The following SGCD variants were observed in gnomAD, a reference collection of about 807,000 sequenced individuals.
SGCD encodes sarcoglycan delta.
In SGCD, 18 loss-of-function variants were observed where a neutral mutation model predicts 36.6. The ratio of observed to expected loss-of-function variants is 0.49; its 90% confidence interval spans 0.34 to 0.73. The LOEUF is 0.73. Among genes scored for constraint, SGCD ranks in the 30% least tolerant of loss-of-function variants. The pLI is 0.01. For synonymous variants in SGCD, 133 were observed against 130.6 expected, an observed-to-expected ratio of 1.02 and a Z score of -0.12; for missense variants, 387 against 346.7, an observed-to-expected ratio of 1.12 and a Z score of -0.92.
chr5:156,608,535 A>T (rs1271218003), intron 6 of SGCD, among the ~76,000 whole-genome samples: 1 of 152,154 alleles, frequency 6.6e-6, no homozygotes, highest in African/African-American at 2.4e-5. Flanking sequence ...TTTGGGGTGG[A>T]GAGTTCTGTA....
At position 156,224,265 on chromosome 5, in the gene SGCD, A is replaced by T. The variant is rs373636497; in HGVS notation, c.-44+100246A>T. 4.6e-5 allele frequency among the ~76,000 whole-genome samples: 7 copies of T among 152,148 alleles called. No individual in the cohort carries two copies. In the South Asian group the frequency reaches 1.4e-3, roughly 32 times the overall value. On this transcript the variant is annotated intron_variant, in intron 3 of 9. Coordinates refer to the SGCD transcript ENST00000517913. ...TCCTATTCTCTCAGACCCAGAGCCC[A>T]TTCTCTTAAGAATTTGGCAGCCTAC...
At chr5:156,554,589 GTA>G (rs528104785) in intron 4 of SGCD, among the ~76,000 whole-genome samples, 71 of 148,776 alleles carry the variant, frequency 4.8e-4, no homozygotes, top group African/African-American at 1.6e-3. Context: ...ATGCATATGT[GTA>G]TATATATATG....
chr5:155,903,976 C>G lies in SGCD; in HGVS notation c.-282+33552C>G, dbSNP rs80044432. Reference sequence around the variant, plus strand: ...GTCTTTTACAGCTGACTTCTGCTAGCCTGTACTCACCAACTATCAGAGAGG... The same window carrying G: ...GTCTTTTACAGCTGACTTCTGCTAGGCTGTACTCACCAACTATCAGAGAGG... On this transcript the variant is annotated intron_variant, in intron 1 of 9. Transcript: ENST00000517913. 2.7e-3 allele frequency among the ~76,000 whole-genome samples: 404 copies of G among 152,268 alleles called. 3 individuals are homozygous for G. The highest frequency in any genetic ancestry group is 8.2e-3 in the African/African-American group (339 of 41,568).
intron 1 of SGCD, among the ~76,000 whole-genome samples, chr5:156,078,821 G>T (rs899625715): frequency 6.7e-6 from 1 of 150,170 alleles, no homozygotes; most frequent in Non-Finnish European, 1.5e-5. Context: ...ATTTTATTCA[G>T]GTTTTTGCAG....
chr5:155,733,430 TC>T, the SGCD span, among the ~76,000 whole-genome samples: 1 of 152,202 alleles, frequency 6.6e-6, no homozygotes, highest in Non-Finnish European at 1.5e-5. Context: ...TTGTCATCTT[TC>T]CCTTTTCAGA....
At chr5:156,631,748 T>C (rs745960795) in intron 6 of SGCD, among the ~76,000 whole-genome samples, 15 of 152,118 alleles carry the variant, frequency 9.9e-5, no homozygotes, top group South Asian at 2.1e-4. Flanking sequence ...GACTAGCTTC[T>C]GCTATCCTGT....
At chr5:156,395,900 A>G (rs1771823059) in intron 3 of SGCD, among the ~76,000 whole-genome samples, 1 of 152,204 alleles carries the variant, frequency 6.6e-6, no homozygotes, top group Admixed American at 6.5e-5. Context: ...TCAAAACTTG[A>G]CACAAGGAGT....
chr5:156,014,248 T>C (rs1020339090), intron 1 of SGCD, among the ~76,000 whole-genome samples: 1 of 152,122 alleles, frequency 6.6e-6, no homozygotes, highest in African/African-American at 2.4e-5. Context: ...TCAGTTTCCT[T>C]GGCAATCACT....
At chr5:155,864,814 C>T in the SGCD span, among the ~76,000 whole-genome samples, 2 of 152,132 alleles carry the variant, frequency 1.3e-5, no homozygotes, top group African/African-American at 4.8e-5. Context: ...ATTTTCGGTA[C>T]AGATTATGCT....
At chr5:156,704,336 C>G (rs957391171) in intron 7 of SGCD, 1 of 152,136 alleles carries the variant, frequency 6.6e-6, no homozygotes, top group African/African-American at 2.4e-5. Context: ...AAGTCCCAGT[C>G]ACGTGACTTG....
chr5:156,051,260 T>C (rs1002023831), intron 1 of SGCD, among the ~76,000 whole-genome samples: 1 of 146,344 alleles, frequency 6.8e-6, no homozygotes, highest in Non-Finnish European at 1.5e-5. Flanking sequence ...TTTATCACTC[T>C]AGAAAATTTC....
chr5:156,430,470 G>A (rs1773888269), intron 3 of SGCD, among the ~76,000 whole-genome samples: 1 of 151,656 alleles, frequency 6.6e-6, no homozygotes. Context: ...AATAACCTTT[G>A]GAATTCTTTA....
chr5:156,049,252 G>A (rs1244417208), intron 1 of SGCD, among the ~76,000 whole-genome samples: 7 of 146,234 alleles, frequency 4.8e-5, no homozygotes, highest in South Asian at 2.2e-4. Context: ...TTGAAGTCAG[G>A]TAGTGTGATG....
chr5:156,186,158 C>T (rs192733697), intron 3 of SGCD, among the ~76,000 whole-genome samples: 8 of 151,888 alleles, frequency 5.3e-5, no homozygotes, highest in African/African-American at 1.9e-4. Flanking sequence ...TTGAACCCCT[C>T]TTATACCAGG....
chr5:155,841,999 G>T, the SGCD span, among the ~76,000 whole-genome samples: 1 of 152,096 alleles, frequency 6.6e-6, no homozygotes, highest in East Asian at 1.9e-4. Flanking sequence ...CCTAGAGAAA[G>T]GCCACCTTAA....
At chr5:156,585,002 G>A (rs184066509) in intron 4 of SGCD, among the ~76,000 whole-genome samples, 4 of 152,328 alleles carry the variant, frequency 2.6e-5, no homozygotes, top group South Asian at 2.1e-4. Flanking sequence ...TCCCCTTGCA[G>A]TGGTGACAGA....
intron 3 of SGCD, among the ~76,000 whole-genome samples, chr5:156,411,447 C>G (rs553897067): frequency 1.3e-5 from 2 of 152,256 alleles, no homozygotes; most frequent in South Asian, 4.1e-4. Flanking sequence ...TATTATCCCC[C>G]AAAGCACTGA....
At chr5:156,278,343 T>A (rs905630657) in intron 3 of SGCD, among the ~76,000 whole-genome samples, 2 of 152,166 alleles carry the variant, frequency 1.3e-5, no homozygotes, top group African/African-American at 4.8e-5. Flanking sequence ...ATTAGGTATT[T>A]TTCAATGTTA....
chr5:155,902,566 C>T (rs940479602), intron 1 of SGCD, among the ~76,000 whole-genome samples: 9 of 152,236 alleles, frequency 5.9e-5, no homozygotes, highest in Admixed American at 5.2e-4. Context: ...TGTAGATATG[C>T]AAACCAGGTC....
Sources: allele counts gnomAD v4.1 joint callset (sites outside exome capture counted in the v4.1 genomes callset), GRCh38; gene constraint gnomAD v4.1.1; transcripts MANE v1.5; gene names NCBI Gene and HGNC (gene_info 2026-07-23, HGNC 2026-07-21).